Variants in KHDRBS2 observed in about 807,000 individuals in gnomAD.
KHDRBS2 encodes KH RNA binding domain containing, signal transduction associated 2.
A neutral mutation model predicts 44.3 loss-of-function variants in KHDRBS2; 26 were observed. The ratio of observed to expected loss-of-function variants is 0.59; its 90% CI spans 0.43 to 0.81. KHDRBS2 has a LOEUF of 0.81. Among genes scored for constraint, KHDRBS2 ranks in the 40% least tolerant of loss-of-function variants. The pLI, the probability that KHDRBS2 is intolerant of heterozygous loss-of-function variation, is 0.00. For missense variants in KHDRBS2, 476 were observed against 433.1 expected, an observed-to-expected ratio of 1.10 and a Z score of -0.88; for synonymous variants, 194 against 151.1, an observed-to-expected ratio of 1.28 and a Z score of -2.08.
intron 6 of KHDRBS2, among the ~76,000 whole-genome samples, chr6:61,769,353 C>A (rs62416564): frequency 0.38 from 57,177 of 151,990 alleles, 11,919 homozygotes; most frequent in African/African-American, 0.57. Context: ...CGAGCTGAAG[C>A]AGGACGAGGC....
intron 4 of KHDRBS2, among the ~76,000 whole-genome samples, chr6:61,971,276 G>A (rs1771351510): frequency 1.3e-5 from 2 of 151,998 alleles, no homozygotes; most frequent in African/African-American, 4.8e-5. Context: ...TATATTTTTG[G>A]TACAATAGGG....
rs73488971 is a variant in KHDRBS2 at position 62,258,938 on chromosome 6, G to A, written c.91+26920C>T. 2.3e-3 allele frequency among the ~76,000 whole-genome samples: 345 copies of A among 152,088 alleles called. 2 individuals carry two copies. Among genetic ancestry groups the A allele is most frequent in the African/African-American group, 7.5e-3 (311 of 41,540 alleles). ...GTGATGGTACAGAAATAGACCTCAG[G>A]TGCAATGACTTCACTTCAAAGAGAA... On this transcript the variant is annotated intron_variant, in intron 1 of 8. Transcript: ENST00000281156.
At chr6:61,942,805 G>T (rs996848812) in intron 4 of KHDRBS2, among the ~76,000 whole-genome samples, 2 of 151,738 alleles carry the variant, frequency 1.3e-5, no homozygotes, top group African/African-American at 4.8e-5. Flanking sequence ...AACAAAGAGA[G>T]AATTATAAAA....
At chr6:61,554,842 C>A in the KHDRBS2 span, among the ~76,000 whole-genome samples, 4 of 152,156 alleles carry the variant, frequency 2.6e-5, no homozygotes, top group African/African-American at 4.8e-5. Context: ...GGCTCCTAAC[C>A]CCTTCTGGCT....
At chr6:61,943,727 T>C (rs1812618517) in intron 4 of KHDRBS2, among the ~76,000 whole-genome samples, 2 of 152,056 alleles carry the variant, frequency 1.3e-5, no homozygotes. Context: ...TATTGAATGG[T>C]AGAAAATATT....
chr6:61,585,147 A>C, the KHDRBS2 span, among the ~76,000 whole-genome samples: 1 of 152,000 alleles, frequency 6.6e-6, no homozygotes, highest in Non-Finnish European at 1.5e-5. Flanking sequence ...AATCATTTTT[A>C]CTTAAAACCC....
intron 6 of KHDRBS2, among the ~76,000 whole-genome samples, chr6:61,751,621 G>A (rs1236639397): frequency 1.3e-5 from 2 of 152,124 alleles, no homozygotes; most frequent in African/African-American, 2.4e-5. Context: ...TATTTTGTCT[G>A]GAAAAGTAGG....
intron 7 of KHDRBS2, among the ~76,000 whole-genome samples, chr6:61,722,372 G>A (rs1272388783): frequency 6.6e-6 from 1 of 152,072 alleles, no homozygotes; most frequent in Non-Finnish European, 1.5e-5. Flanking sequence ...AATTAAAATT[G>A]TTATAGCTGC....
the KHDRBS2 span, among the ~76,000 whole-genome samples, chr6:61,650,689 A>T: frequency 6.6e-6 from 1 of 152,026 alleles, no homozygotes; most frequent in Non-Finnish European, 1.5e-5. Flanking sequence ...TTTGAAAATC[A>T]TAGAGTTAAA....
intron 2 of KHDRBS2, among the ~76,000 whole-genome samples, chr6:62,073,428 G>C (rs1324062369): frequency 6.6e-6 from 1 of 150,438 alleles, no homozygotes; most frequent in African/African-American, 2.4e-5. Flanking sequence ...TTTTATTTTA[G>C]TAGTTTTGTT....
chr6:62,061,945 C>T (rs1019232838), intron 2 of KHDRBS2, among the ~76,000 whole-genome samples: 3 of 151,976 alleles, frequency 2.0e-5, no homozygotes, highest in Admixed American at 6.6e-5. Context: ...CGCTGATACC[C>T]TTTCTTCCAG....
At chr6:61,667,155 G>C in the KHDRBS2 span, among the ~76,000 whole-genome samples, 4 of 148,608 alleles carry the variant, frequency 2.7e-5, no homozygotes, top group Non-Finnish European at 6.0e-5. Context: ...TTTTAAGATG[G>C]AAGGACAAAT....
chr6:61,733,687 C>A lies in KHDRBS2; in HGVS notation c.811-923G>T, dbSNP rs185886240. Among the ~76,000 whole-genome samples the A allele has an allele frequency of 5.2e-4, 79 of 152,072 alleles. 3 individuals carry two copies. In the East Asian group the frequency reaches 0.013, roughly 26 times the overall value. ...ATTATGTGTGATGAGACTTATTACT[C>A]GAGTAAATTACACTAACAAAGCTAA... On this transcript the variant is annotated intron_variant, in intron 6 of 8. Transcript: ENST00000281156.
chr6:62,059,710 T>C (rs1206812886), intron 2 of KHDRBS2, among the ~76,000 whole-genome samples: 1 of 151,628 alleles, frequency 6.6e-6, no homozygotes, highest in East Asian at 2.0e-4. Context: ...GAGAGATAAA[T>C]CTAAGATGAA....
Position 62,110,465 on chromosome 6 carries a change from C to A in KHDRBS2, c.220-62471G>T, listed in dbSNP as rs567294590. 4.6e-5 allele frequency among the ~76,000 whole-genome samples: 7 copies of A among 152,006 alleles called. No homozygotes were observed. The South Asian group carries it at 1.5e-3, about 32-fold the overall frequency. ...TAAATTTGTTCATCACATCAATGAA[C>A]AAAGAACCTGTAATATAGCCATACA... On this transcript the variant is annotated intron_variant, in intron 2 of 8. Transcript: ENST00000281156.
intron 7 of KHDRBS2, among the ~76,000 whole-genome samples, chr6:61,710,129 T>A (rs568016492): frequency 4.0e-5 from 6 of 151,676 alleles, no homozygotes; most frequent in African/African-American, 1.4e-4. Context: ...ATGACCAGAG[T>A]CTGGGGAAAG....
At chr6:61,910,012 G>C (rs1466482282) in intron 4 of KHDRBS2, among the ~76,000 whole-genome samples, 5 of 152,210 alleles carry the variant, frequency 3.3e-5, no homozygotes, top group Non-Finnish European at 2.9e-5. Flanking sequence ...GTAGGGAAAT[G>C]ATATGTAGTC....
chr6:62,073,335 T>C (rs1302935697), intron 2 of KHDRBS2, among the ~76,000 whole-genome samples: 1 of 151,596 alleles, frequency 6.6e-6, no homozygotes, highest in Non-Finnish European at 1.5e-5. Context: ...CATTATTTAA[T>C]ATGTTGGCAT....
intron 6 of KHDRBS2, among the ~76,000 whole-genome samples, chr6:61,863,352 G>C (rs148115694): frequency 6.7e-6 from 1 of 149,608 alleles, no homozygotes; most frequent in Non-Finnish European, 1.5e-5. Flanking sequence ...CTTTGCACTT[G>C]GTTCTCTAGT....
Sources: allele counts gnomAD v4.1 joint callset (sites outside exome capture counted in the v4.1 genomes callset), GRCh38; gene constraint gnomAD v4.1.1; transcripts MANE v1.5; gene names NCBI Gene and HGNC (gene_info 2026-07-23, HGNC 2026-07-21).